Variants in WWOX observed in about 807,000 individuals in gnomAD.
The protein encoded by WWOX is WW domain-containing oxidoreductase.
In WWOX, 69 loss-of-function variants were observed where a neutral mutation model predicts 46.2. The ratio of observed to expected loss-of-function variants is 1.49; its 90% confidence interval spans 1.23 to 1.82. WWOX has a LOEUF of 1.82. Ranked by LOEUF, WWOX falls within the 40% of genes most tolerant of loss-of-function variation. The pLI, the probability that WWOX is intolerant of heterozygous loss-of-function variation, is 0.00. For missense variants in WWOX, 919 were observed against 542.6 expected, an observed-to-expected ratio of 1.69 and a Z score of -6.89; for synonymous variants, 359 against 202.6, an observed-to-expected ratio of 1.77 and a Z score of -6.56.
intron 5 of WWOX, among the ~76,000 whole-genome samples, chr16:78,219,026 C>G (rs1186180698): frequency 6.6e-6 from 1 of 152,150 alleles, no homozygotes; most frequent in Non-Finnish European, 1.5e-5. Context: ...GCGTCCAGGA[C>G]TAAAGTCATG....
chr16:78,384,712 A>C (rs1004965085), intron 5 of WWOX, among the ~76,000 whole-genome samples: 1 of 152,140 alleles, frequency 6.6e-6, no homozygotes. Flanking sequence ...CAAAATCTGC[A>C]CACTTTGGCA....
chr16:78,912,635 A>C (rs752585412), intron 8 of WWOX, among the ~76,000 whole-genome samples: 1 of 152,032 alleles, frequency 6.6e-6, no homozygotes, highest in Admixed American at 6.6e-5. Flanking sequence ...TTCATTTCTT[A>C]TCATTTAATG....
intron 5 of WWOX, among the ~76,000 whole-genome samples, chr16:78,230,033 C>G (rs758580785): frequency 1.2e-4 from 18 of 152,092 alleles, no homozygotes; most frequent in Non-Finnish European, 2.5e-4. Flanking sequence ...GTGCATGCCA[C>G]CACACCCAGC....
At chr16:78,229,448 A>G (rs1189108025) in intron 5 of WWOX, among the ~76,000 whole-genome samples, 3 of 135,330 alleles carry the variant, frequency 2.2e-5, no homozygotes, top group Non-Finnish European at 4.6e-5. Context: ...TTAGACATTT[A>G]GATTTTTTCT....
chr16:78,499,491 C>A lies in WWOX; in HGVS notation c.1056+66739C>A, dbSNP rs539225157. On this transcript the variant is annotated intron_variant, in intron 8 of 8. Transcript: ENST00000566780. ...TCAGGTGGGACTCATGGAGATTTTCCGTTCTTTGGCAACTAGCAGCGACTG... is the reference window on the plus strand; with the variant it reads ...TCAGGTGGGACTCATGGAGATTTTCAGTTCTTTGGCAACTAGCAGCGACTG... Among the ~76,000 whole-genome samples the A allele has an allele frequency of 3.0e-3, 453 of 152,278 alleles. 2 individuals carry two copies. Among genetic ancestry groups the A allele is most frequent in the African/African-American group, 0.01 (428 of 41,568 alleles).
rs574549120 is a variant in WWOX at position 78,411,129 on chromosome 16, G to C, written c.606-13741G>C. 3.9e-5 allele frequency among the ~76,000 whole-genome samples: 6 copies of C among 152,228 alleles called. No homozygotes were observed. The South Asian group carries it at 1.2e-3, about 32-fold the overall frequency. ...TTGTCCATGATTTTTTCTATATTCT[G>C]TTAGTTAGAAACAAATTCCTAGGTC... On this transcript the variant is annotated intron_variant, in intron 6 of 8. Transcript: ENST00000566780.
intron 8 of WWOX, among the ~76,000 whole-genome samples, chr16:79,127,008 C>G (rs2049771995): frequency 6.6e-6 from 1 of 151,558 alleles, no homozygotes; most frequent in Admixed American, 6.6e-5. Flanking sequence ...TTTTTTTAAA[C>G]TTATTTCTTT....
chr16:78,276,679 G>C (rs988429970), intron 5 of WWOX, among the ~76,000 whole-genome samples: 2 of 152,204 alleles, frequency 1.3e-5, no homozygotes, highest in Non-Finnish European at 2.9e-5. Context: ...TCTCTCAGTT[G>C]CTTGCATGAA....
chr16:78,389,609 C>T (rs147517436), intron 6 of WWOX, among the ~76,000 whole-genome samples: 1 of 152,130 alleles, frequency 6.6e-6, no homozygotes, highest in Non-Finnish European at 1.5e-5. Flanking sequence ...CTATTAATAT[C>T]TCTACTATAC....
At chr16:78,595,202 T>C (rs139862321) in intron 8 of WWOX, among the ~76,000 whole-genome samples, 1 of 152,204 alleles carries the variant, frequency 6.6e-6, no homozygotes, top group African/African-American at 2.4e-5. Context: ...TGAAATAGAT[T>C]TGGAGTCAGA....
At chr16:78,667,144 A>G (rs753466800) in intron 8 of WWOX, among the ~76,000 whole-genome samples, 11 of 152,116 alleles carry the variant, frequency 7.2e-5, no homozygotes, top group Non-Finnish European at 1.5e-4. Flanking sequence ...CCTCCTCTCC[A>G]CACCACTTTA....
Position 79,207,150 on chromosome 16 carries a change from CT to C in WWOX, c.1057-4457del, listed in dbSNP as rs2051541694. 3.9e-5 allele frequency among the ~76,000 whole-genome samples: 6 copies of C among 152,282 alleles called. No individual in the cohort carries two copies. The South Asian group carries it at 1.2e-3, about 32-fold the overall frequency. ...CACCTGTGACATGAGGGCTCACCCC[CT>C]CATCTCCACCGCAGCAGCTCTCTGA... On this transcript the variant is annotated intron_variant, in intron 8 of 8. Transcript: ENST00000566780.
At chr16:78,140,737 CGAT>C (rs1260304452) in intron 4 of WWOX, among the ~76,000 whole-genome samples, 35 of 152,162 alleles carry the variant, frequency 2.3e-4, no homozygotes, top group Non-Finnish European at 2.9e-5. Flanking sequence ...CAGTTTAACT[CGAT>C]GACCTCTGCA....
intron 8 of WWOX, among the ~76,000 whole-genome samples, chr16:79,174,127 G>T (rs891159197): frequency 5.3e-5 from 8 of 152,172 alleles, no homozygotes; most frequent in African/African-American, 9.7e-5. Context: ...TAGAGTGAAA[G>T]GTCCTGAGAG....
chr16:78,268,815 A>G (rs1393176649), intron 5 of WWOX, among the ~76,000 whole-genome samples: 3 of 152,156 alleles, frequency 2.0e-5, no homozygotes, highest in African/African-American at 7.2e-5. Flanking sequence ...TTTTAATTAT[A>G]AAAGAACATT....
chr16:78,780,936 G>T (rs1439103783), intron 8 of WWOX, among the ~76,000 whole-genome samples: 1 of 152,226 alleles, frequency 6.6e-6, no homozygotes, highest in African/African-American at 2.4e-5. Flanking sequence ...AGCAGCAGCA[G>T]AAGTGTGCAG....
chr16:78,641,775 C>T (rs1321788117), intron 8 of WWOX, among the ~76,000 whole-genome samples: 1 of 152,156 alleles, frequency 6.6e-6, no homozygotes, highest in Admixed American at 6.5e-5. Flanking sequence ...ACAGAGCTCC[C>T]CTCCACTCGC....
At chr16:78,940,490 G>C (rs956887014) in intron 8 of WWOX, among the ~76,000 whole-genome samples, 1 of 152,148 alleles carries the variant, frequency 6.6e-6, no homozygotes, top group Non-Finnish European at 1.5e-5. Flanking sequence ...CCGGTGTTAG[G>C]AGTTCTTTCG....
intron 8 of WWOX, among the ~76,000 whole-genome samples, chr16:78,720,726 C>T (rs988721205): frequency 2.6e-5 from 4 of 152,078 alleles, no homozygotes; most frequent in Non-Finnish European, 5.9e-5. Flanking sequence ...CTATAAATTT[C>T]CACCGGTCTC....
Sources: gnomAD v4.1 joint callset for allele counts (sites outside exome capture counted in the v4.1 genomes callset) on GRCh38, gnomAD v4.1.1 for gene constraint, MANE v1.5 for transcripts, NCBI Gene and HGNC (gene_info 2026-07-23, HGNC 2026-07-21) for gene names.